ATP6V0D2: variants seen among roughly 807,000 people sequenced by gnomAD.
The protein encoded by ATP6V0D2 is V-type proton ATPase subunit d 2.
Under a neutral mutation model 40.0 loss-of-function variants are expected in ATP6V0D2, and 40 were observed. The ratio of observed to expected loss-of-function variants is 1.00; its 90% CI spans 0.78 to 1.30. ATP6V0D2 has a LOEUF of 1.30. ATP6V0D2 is among the 50% of genes most tolerant of loss of function. ATP6V0D2 has a pLI of 0.00. For missense variants in ATP6V0D2, 470 were observed against 423.1 expected, an observed-to-expected ratio of 1.11 and a Z score of -0.97; for synonymous variants, 179 against 156.3, an observed-to-expected ratio of 1.15 and a Z score of -1.08.
chr8:86,153,013 T>C lies in ATP6V0D2; in HGVS notation c.*36T>C, dbSNP rs762322021. 9.9e-6 allele frequency: 15 copies of C among 1,510,998 alleles called. No homozygotes were observed. The highest frequency in any genetic ancestry group is 1.3e-5 in the Non-Finnish European group (15 of 1,127,856). 93.6% of individuals were successfully genotyped at this position (1,510,998 alleles called of 1,614,324 possible). On this transcript the variant is annotated 3_prime_UTR_variant, in exon 8 of 8. Coordinates refer to ENST00000285393, the MANE Select transcript of ATP6V0D2 (RefSeq NM_152565.1). ...GTTCTCAAATGTAGAAAATTATAAA[T>C]GTTAAAAGGAAGTTATTGAAGAAAA...
chr8:86,122,326 T>A (rs1455005032), intron 2 of ATP6V0D2, among the ~76,000 whole-genome samples: 1 of 152,198 alleles, frequency 6.6e-6, no homozygotes, highest in Non-Finnish European at 1.5e-5. Context: ...TTACTAAGAA[T>A]CTGACGTTAA....
At chr8:86,106,941 C>T (rs766461037) in intron 1 of ATP6V0D2, among the ~76,000 whole-genome samples, 3 of 151,758 alleles carry the variant, frequency 2.0e-5, no homozygotes, top group Non-Finnish European at 4.4e-5. Context: ...GAGGCCGAGG[C>T]AAGAGGATTG....
intron 5 of ATP6V0D2, among the ~76,000 whole-genome samples, chr8:86,148,891 G>T (rs1258928819): frequency 6.6e-6 from 1 of 151,370 alleles, no homozygotes; most frequent in Admixed American, 6.6e-5. Context: ...GGGCATTATG[G>T]CAAAATCCCG....
intron 2 of ATP6V0D2, among the ~76,000 whole-genome samples, chr8:86,131,094 C>T (rs1818816739): frequency 6.6e-6 from 1 of 152,136 alleles, no homozygotes; most frequent in Admixed American, 6.6e-5. Context: ...ATCCTTTAAT[C>T]ATACACCTAT....
intron 2 of ATP6V0D2, among the ~76,000 whole-genome samples, chr8:86,123,537 TTGAA>T (rs1411666478): frequency 6.6e-6 from 1 of 152,088 alleles, no homozygotes; most frequent in Non-Finnish European, 1.5e-5. Context: ...GACTGGAACT[TTGAA>T]TGGTAGAGAC....
intron 2 of ATP6V0D2, among the ~76,000 whole-genome samples, chr8:86,128,216 G>A (rs1818772348): frequency 6.6e-6 from 1 of 152,164 alleles, no homozygotes; most frequent in Admixed American, 6.5e-5. Flanking sequence ...GGGCATGGTG[G>A]TGGGTGCCTG....
intron 3 of ATP6V0D2, among the ~76,000 whole-genome samples, chr8:86,140,285 C>T (rs536626810): frequency 1.3e-5 from 2 of 152,026 alleles, no homozygotes; most frequent in South Asian, 4.2e-4. Context: ...CACTATTGAT[C>T]GTTTGTCAAA....
At chr8:86,103,333 G>GT (rs1010802581) in intron 1 of ATP6V0D2, among the ~76,000 whole-genome samples, 1 of 144,266 alleles carries the variant, frequency 6.9e-6, no homozygotes, top group Non-Finnish European at 1.5e-5. Flanking sequence ...ATTTCACCAT[G>GT]TTGGCCAGGC....
intron 1 of ATP6V0D2, among the ~76,000 whole-genome samples, chr8:86,100,164 C>T (rs929547071): frequency 3.3e-5 from 5 of 151,944 alleles, no homozygotes; most frequent in Non-Finnish European, 7.4e-5. Context: ...TCTCAGTGTT[C>T]TCAGTTATAA....
At chr8:86,134,432 C>G (rs1257035747) in intron 2 of ATP6V0D2, among the ~76,000 whole-genome samples, 1 of 152,128 alleles carries the variant, frequency 6.6e-6, no homozygotes, top group Admixed American at 6.5e-5. Flanking sequence ...CCTTTCTCCT[C>G]TTGAGTTTTC....
intron 2 of ATP6V0D2, among the ~76,000 whole-genome samples, chr8:86,124,135 G>T (rs1818709586): frequency 6.6e-6 from 1 of 152,150 alleles, no homozygotes; most frequent in Non-Finnish European, 1.5e-5. Context: ...TGTCTTAAAG[G>T]CTTTGCACTC....
In ATP6V0D2 at chr8:86,104,039, A is replaced by G. The variant is rs188753800; in HGVS notation, c.130+4931A>G. 3.6e-3 allele frequency among the ~76,000 whole-genome samples: 545 copies of G among 151,932 alleles called. 5 individuals are homozygous for G. Among genetic ancestry groups the G allele is most frequent in the African/African-American group, 0.012 (511 of 41,440 alleles). On this transcript the variant is annotated intron_variant, in intron 1 of 7. Transcript: ENST00000285393. ...ATGGGGTCTCACCATGTTGGCCATG[A>G]CAGGTCTCAAACTCCTAACCTCAAG...
chr8:86,120,750 TG>T (rs1318012631), intron 2 of ATP6V0D2, among the ~76,000 whole-genome samples: 2 of 152,160 alleles, frequency 1.3e-5, no homozygotes, highest in Non-Finnish European at 2.9e-5. Flanking sequence ...ATTACGGAAA[TG>T]GAGTGTCAAT....
chr8:86,141,612 CATT>C, intron 4 of ATP6V0D2, 83 bp downstream of exon 4: 2 of 925,852 alleles, frequency 2.2e-6, no homozygotes, highest in Non-Finnish European at 3.2e-6. Context: ...TTACTTTACT[CATT>C]AACCAACTTC....
At chr8:86,135,781 TACTTATGAG>T (rs1818888253) in intron 2 of ATP6V0D2, among the ~76,000 whole-genome samples, 1 of 152,214 alleles carries the variant, frequency 6.6e-6, no homozygotes, top group Admixed American at 6.5e-5. Flanking sequence ...GCTCTGTCAC[TACTTATGAG>T]GATAATTATC....
At chr8:86,149,071 A>AAAAAAAAAAAAAAG (rs1819109081) in intron 5 of ATP6V0D2, among the ~76,000 whole-genome samples, 2 of 150,026 alleles carry the variant, frequency 1.3e-5, no homozygotes, top group African/African-American at 2.5e-5. Flanking sequence ...AAAAAAAAAA[A>AAAAAAAAAAAAAAG]AAAACCAATG....
chr8:86,104,805 C>T (rs953338895), intron 1 of ATP6V0D2, among the ~76,000 whole-genome samples: 2 of 149,308 alleles, frequency 1.3e-5, no homozygotes, highest in African/African-American at 4.9e-5. Context: ...CTTTTTCTGC[C>T]TTATATTAAA....
intron 2 of ATP6V0D2, among the ~76,000 whole-genome samples, chr8:86,128,562 A>G (rs1326752471): frequency 6.6e-6 from 1 of 152,200 alleles, no homozygotes; most frequent in Non-Finnish European, 1.5e-5. Context: ...AGCTGTTATC[A>G]GTTTTGACAA....
At chr8:86,110,548 C>T (rs749272834) in intron 1 of ATP6V0D2, among the ~76,000 whole-genome samples, 3 of 152,136 alleles carry the variant, frequency 2.0e-5, no homozygotes, top group East Asian at 1.9e-4. Flanking sequence ...GAGTCTGCTG[C>T]GAGTTGGAAG....
Sources: gnomAD v4.1 joint callset for allele counts (sites outside exome capture counted in the v4.1 genomes callset) on GRCh38, gnomAD v4.1.1 for gene constraint, MANE v1.5 for transcripts, NCBI Gene and HGNC (gene_info 2026-07-23, HGNC 2026-07-21) for gene names.